KCTD8: variants seen among roughly 807,000 people sequenced by gnomAD.
KCTD8 encodes potassium channel tetramerization domain containing 8.
In KCTD8, 27 loss-of-function variants were observed where a neutral mutation model predicts 31.5. The ratio of observed to expected loss-of-function variants is 0.86; its 90% CI spans 0.63 to 1.18. The LOEUF (loss-of-function observed/expected upper bound fraction) is 1.18. Among genes scored for constraint, KCTD8 ranks in the 50% most tolerant of loss-of-function variants. The probability of loss-of-function intolerance (pLI) is 0.00; values close to 1 mark genes in which losing one functional copy is unlikely to be tolerated. For synonymous variants in KCTD8, 290 were observed against 280.0 expected, an observed-to-expected ratio of 1.04 and a Z score of -0.36; for missense variants, 658 against 647.7, an observed-to-expected ratio of 1.02 and a Z score of -0.17.
chr4:44,271,802 A>G (rs548342540), intron 1 of KCTD8, among the ~76,000 whole-genome samples: 31 of 152,232 alleles, frequency 2.0e-4, no homozygotes, highest in Admixed American at 1.8e-3. Context: ...TATAGAAACA[A>G]TGTTTATCAC....
intron 1 of KCTD8, among the ~76,000 whole-genome samples, chr4:44,275,111 G>A (rs1716715721): frequency 6.6e-6 from 1 of 151,934 alleles, no homozygotes; most frequent in South Asian, 2.1e-4. Context: ...TCCTTAAAGT[G>A]TATGGAAAGT....
intron 1 of KCTD8, among the ~76,000 whole-genome samples, chr4:44,420,447 T>C (rs890266765): frequency 7.9e-5 from 12 of 152,144 alleles, no homozygotes; most frequent in Admixed American, 6.5e-4. Flanking sequence ...AGACAAAAAG[T>C]ATTTCCAGCT....
intron 1 of KCTD8, among the ~76,000 whole-genome samples, chr4:44,358,749 T>G (rs1456202474): frequency 6.6e-6 from 1 of 152,094 alleles, no homozygotes; most frequent in East Asian, 1.9e-4. Context: ...TTTTGTATTT[T>G]TAGCAGAGAC....
intron 1 of KCTD8, among the ~76,000 whole-genome samples, chr4:44,208,059 G>A (rs17641486): frequency 0.21 from 31,390 of 152,100 alleles, 3,411 homozygotes; most frequent in South Asian, 0.32. Flanking sequence ...CCAGGAGATT[G>A]TGATAGGCTA....
chr4:44,332,434 C>T (rs909360504), intron 1 of KCTD8, among the ~76,000 whole-genome samples: 1 of 151,890 alleles, frequency 6.6e-6, no homozygotes, highest in East Asian at 1.9e-4. Flanking sequence ...ATATATTAAT[C>T]CTGCCTACAA....
chr4:44,298,576 C>T (rs764489228), intron 1 of KCTD8, among the ~76,000 whole-genome samples: 1 of 152,054 alleles, frequency 6.6e-6, no homozygotes, highest in Non-Finnish European at 1.5e-5. Flanking sequence ...TGACAGCTCC[C>T]CAGAAACAAT....
chr4:44,268,082 C>G (rs1228158688), intron 1 of KCTD8, among the ~76,000 whole-genome samples: 1 of 152,116 alleles, frequency 6.6e-6, no homozygotes, highest in Non-Finnish European at 1.5e-5. Context: ...CTGGCAGAGA[C>G]ACAACCAAAA....
intron 1 of KCTD8, among the ~76,000 whole-genome samples, chr4:44,250,146 T>C (rs924191736): frequency 3.3e-5 from 5 of 151,848 alleles, no homozygotes; most frequent in Admixed American, 6.6e-5. Context: ...TACATGTTCA[T>C]GGGTGAGTTT....
intron 1 of KCTD8, among the ~76,000 whole-genome samples, chr4:44,348,871 CCT>C (rs77457658): frequency 0.12 from 18,501 of 152,092 alleles, 1,322 homozygotes; most frequent in East Asian, 0.25. Flanking sequence ...GAAACTCTCC[CCT>C]GTCAGTTGGC....
chr4:44,347,928 T>C (rs1243506057), intron 1 of KCTD8, among the ~76,000 whole-genome samples: 1 of 152,168 alleles, frequency 6.6e-6, no homozygotes, highest in Admixed American at 6.6e-5. Context: ...TAATACAGCC[T>C]TTCACTTGAA....
intron 1 of KCTD8, among the ~76,000 whole-genome samples, chr4:44,294,015 C>G (rs563438201): frequency 1.3e-5 from 2 of 152,018 alleles, no homozygotes; most frequent in Non-Finnish European, 2.9e-5. Context: ...TGCCATTTTG[C>G]TTAAAAATTT....
At chr4:44,337,175 A>C (rs1718771778) in intron 1 of KCTD8, among the ~76,000 whole-genome samples, 1 of 152,180 alleles carries the variant, frequency 6.6e-6, no homozygotes, top group African/African-American at 2.4e-5. Flanking sequence ...TGTTTAAACA[A>C]TAACTAAAAC....
At chr4:44,341,199 A>G (rs1170744449) in intron 1 of KCTD8, among the ~76,000 whole-genome samples, 1 of 152,218 alleles carries the variant, frequency 6.6e-6, no homozygotes, top group Non-Finnish European at 1.5e-5. Flanking sequence ...TTAATTAAAA[A>G]TATTTTACTG....
intron 1 of KCTD8, among the ~76,000 whole-genome samples, chr4:44,177,484 C>T (rs1429579175): frequency 6.6e-6 from 1 of 152,118 alleles, no homozygotes; most frequent in African/African-American, 2.4e-5. Flanking sequence ...AATTGTAACT[C>T]CTACAACTCC....
intron 1 of KCTD8, among the ~76,000 whole-genome samples, chr4:44,287,905 G>A (rs1208453512): frequency 6.6e-6 from 1 of 152,158 alleles, no homozygotes; most frequent in African/African-American, 2.4e-5. Context: ...CAGTCGACTT[G>A]TATGTAGATG....
At chr4:44,188,372 GA>G (rs1713654829) in intron 1 of KCTD8, among the ~76,000 whole-genome samples, 1 of 152,206 alleles carries the variant, frequency 6.6e-6, no homozygotes, top group African/African-American at 2.4e-5. Context: ...GAATAGAGCA[GA>G]ATTTTGCTTG....
chr4:44,241,059 T>G (rs1715445376), intron 1 of KCTD8, among the ~76,000 whole-genome samples: 1 of 152,212 alleles, frequency 6.6e-6, no homozygotes, highest in African/African-American at 2.4e-5. Flanking sequence ...ACCCTTGGTT[T>G]CAAAACTCAG....
At chr4:44,391,903 CATTCAGCAAATCAGTCTTCTTAA>C (rs955217815) in intron 1 of KCTD8, among the ~76,000 whole-genome samples, 1 of 151,928 alleles carries the variant, frequency 6.6e-6, no homozygotes, top group African/African-American at 2.4e-5. Context: ...ACTGAGTAGC[CATTCAGCAAATCAGTCTTCTTAA>C]ATTTGAGCAT....
intron 1 of KCTD8, among the ~76,000 whole-genome samples, chr4:44,228,113 T>G (rs896270117): frequency 2.0e-5 from 3 of 152,172 alleles, no homozygotes; most frequent in East Asian, 3.8e-4. Flanking sequence ...ACTCTCCCCT[T>G]ATCAGTTTGC....
Sources: allele counts gnomAD v4.1 joint callset (sites outside exome capture counted in the v4.1 genomes callset), GRCh38; gene constraint gnomAD v4.1.1; transcripts MANE v1.5; gene names NCBI Gene and HGNC (gene_info 2026-07-23, HGNC 2026-07-21).